The following FAM89A variants were observed in gnomAD, a reference collection of about 807,000 sequenced individuals.
FAM89A encodes family with sequence similarity 89 member A.
In FAM89A, 10 loss-of-function variants were observed where a neutral mutation model predicts 7.1. That is an observed-to-expected ratio of 1.40 (90% CI 0.86 to 2.38). FAM89A has a LOEUF of 2.38. Among genes scored for constraint, FAM89A ranks in the 30% most tolerant of loss-of-function variants. The pLI is 0.00. For synonymous variants in FAM89A, 157 were observed against 129.3 expected (o/e 1.21, Z -1.45); for missense variants, 276 against 262.8 (o/e 1.05, Z -0.35).
chr1:231,021,717 T>C, intron 1 of FAM89A: 2 of 1,596,050 alleles, frequency 1.3e-6, no homozygotes, highest in African/African-American at 1.3e-5. Context: ...GCAGAACCCA[T>C]AGAACTCGTG....
intron 1 of FAM89A, among the ~76,000 whole-genome samples, chr1:231,034,011 T>C (rs1002655011): frequency 5.9e-5 from 9 of 152,206 alleles, no homozygotes; most frequent in African/African-American, 1.9e-4. Context: ...GGGATGGGGA[T>C]GGGACAAGTA....
chr1:231,022,179 T>C, intron 1 of FAM89A: 1 of 1,025,504 alleles, frequency 9.8e-7, no homozygotes, highest in Non-Finnish European at 1.6e-6. Flanking sequence ...TCCATTCATA[T>C]ATGAAGTATT....
intron 1 of FAM89A, among the ~76,000 whole-genome samples, chr1:231,027,612 G>A (rs529127956): frequency 3.3e-5 from 5 of 152,246 alleles, no homozygotes; most frequent in South Asian, 2.1e-4. Context: ...TTCCTAGCCC[G>A]GGCCCCTCTT....
intron 1 of FAM89A, among the ~76,000 whole-genome samples, chr1:231,039,332 C>A (rs1680214022): frequency 6.6e-6 from 1 of 152,226 alleles, no homozygotes; most frequent in African/African-American, 2.4e-5. Context: ...GGCTGAGGGA[C>A]CCGGCCGCCT....
intron 1 of FAM89A, among the ~76,000 whole-genome samples, chr1:231,034,771 TCAAA>T (rs1680132481): frequency 2.3e-5 from 2 of 87,898 alleles, no homozygotes; most frequent in Admixed American, 1.2e-4. Flanking sequence ...AAACTCTGTC[TCAAA>T]AAAAAAAAAA....
intron 1 of FAM89A, chr1:231,022,177 T>C (rs1044223585): frequency 4.9e-6 from 5 of 1,026,066 alleles, no homozygotes; most frequent in African/African-American, 3.1e-5. Flanking sequence ...ACTCCATTCA[T>C]ATATGAAGTA....
intron 1 of FAM89A, chr1:231,022,161 A>C (rs1572353434): frequency 1.8e-6 from 2 of 1,096,746 alleles, no homozygotes; most frequent in Non-Finnish European, 2.8e-6. Context: ...AACCACAAAC[A>C]GTACCACTCC....
At chr1:231,034,157 C>T (rs550345327) in intron 1 of FAM89A, among the ~76,000 whole-genome samples, 1 of 152,248 alleles carries the variant, frequency 6.6e-6, no homozygotes, top group South Asian at 2.1e-4. Context: ...GAATTCACAG[C>T]AACTAGGTAT....
rs1411740140 is a variant in FAM89A, at chr1:231,039,921, C to T, written c.291G>A (p.Met97Ile). 4.5e-6 allele frequency: 6 copies of T among 1,329,058 alleles called. No individual in the cohort carries two copies. The highest frequency in any genetic ancestry group is 5.7e-6 in the Non-Finnish European group (6 of 1,045,694). The allele number at this position is 1,329,058 out of a possible 1,614,324, so 82.3% of individuals were successfully genotyped here. A position where few individuals can be genotyped will look rare whatever the true frequency, so the allele number is the denominator to read the frequency against. ...DAALALLRKEMVGLRQLDMSL... is the reference protein window; with the variant it reads ...DAALALLRKEIVGLRQLDMSL... ...CCCCAGCTCGCGGAGCCCCACTCAC[C>T]ATCTCTTTGCGGAGCAGCGCCAGAG... Residue 97 changes from methionine to isoleucine, a missense_variant and splice_region_variant, in exon 1 of 2, where the codon ATG becomes ATA. Transcript: ENST00000366654.
chr1:231,029,950 G>A (rs1048872569), intron 1 of FAM89A, among the ~76,000 whole-genome samples: 1 of 152,222 alleles, frequency 6.6e-6, no homozygotes, highest in Non-Finnish European at 1.5e-5. Flanking sequence ...AAGATATGTT[G>A]ACTGAAGGAT....
At chr1:231,026,228 C>A (rs564594559) in intron 1 of FAM89A, among the ~76,000 whole-genome samples, 4 of 152,148 alleles carry the variant, frequency 2.6e-5, no homozygotes, top group Non-Finnish European at 4.4e-5. Context: ...GTGTTCCTCC[C>A]GCTCCTCTCC....
chr1:231,022,607 C>T (rs1330090624), intron 1 of FAM89A, among the ~76,000 whole-genome samples: 2 of 152,150 alleles, frequency 1.3e-5, no homozygotes, highest in Admixed American at 6.5e-5. Flanking sequence ...TCACCCAGCT[C>T]GAGGATCCCA....
At chr1:231,022,077 A>G (rs1413634025) in intron 1 of FAM89A, 8 of 1,408,478 alleles carry the variant, frequency 5.7e-6, no homozygotes, top group Non-Finnish European at 7.1e-6. Flanking sequence ...GAATGTGGCC[A>G]TGTCTTCTGT....
At chr1:231,027,996 T>G (rs1354612691) in intron 1 of FAM89A, among the ~76,000 whole-genome samples, 2 of 152,178 alleles carry the variant, frequency 1.3e-5, no homozygotes, top group Non-Finnish European at 2.9e-5. Flanking sequence ...CATTTCCCTT[T>G]TGGATCTCTC....
rs1218106860 is a variant in FAM89A, at chr1:231,019,999, C to A, written c.419G>T (p.Gly140Val). 2 of 1,614,084 alleles carry A rather than the reference C, an allele frequency of 1.2e-6. No homozygotes were observed. Among genetic ancestry groups the A allele is most frequent in the Admixed American group, 3.3e-5 (2 of 60,020 alleles). Residue 140 changes from glycine (G) to valine (V), a missense_variant, in exon 2 of 2, where the codon GGC (glycine) becomes GTC (valine). By Grantham distance (109) the Gly-to-Val change is moderately radical. Coordinates refer to ENST00000366654, the MANE Select transcript of FAM89A (RefSeq NM_198552.3). ...ATATTCCTCCTCTTCATCGAAGAAG[C>A]CGTTCTCCAGAGCGTAAGTGCAGTC... is the stretch of plus-strand genomic sequence containing the variant. ...SPDCTYALEN[G>V]FFDEEEEYFQ...
chr1:231,040,140 C>A lies in FAM89A; in HGVS notation c.72G>T (p.Leu24=), dbSNP rs775088122. The A allele has an allele frequency of 1.5e-6, 2 of 1,338,528 alleles. No homozygotes were observed. Among genetic ancestry groups the A allele is most frequent in the South Asian group, 3.7e-5 (2 of 54,782 alleles). 82.9% of individuals were successfully genotyped at this position (1,338,528 alleles called of 1,614,324 possible). A position where few individuals can be genotyped will look rare whatever the true frequency, so the allele number is the denominator to read the frequency against. ...CGCTCAAGCTCTTTGGCAGCGGGGGCAGCCCGTCCACCCGCAGCCCCCGGA... is the reference window on the plus strand; with the variant it reads ...CGCTCAAGCTCTTTGGCAGCGGGGGAAGCCCGTCCACCCGCAGCCCCCGGA... ...GAVRGLRVDG[L]PPLPKSLSGL... The change falls in exon 1 of 2, where the codon CTG becomes CTT. Residue 24 remains leucine (L), a synonymous_variant. Transcript: ENST00000366654.
intron 1 of FAM89A, among the ~76,000 whole-genome samples, chr1:231,030,557 A>G (rs1680049707): frequency 6.6e-6 from 1 of 152,112 alleles, no homozygotes; most frequent in Non-Finnish European, 1.5e-5. Flanking sequence ...GCAATTGACC[A>G]TTTTCTTTAA....
At chr1:231,024,724 T>C (rs1462702083) in intron 1 of FAM89A, among the ~76,000 whole-genome samples, 6 of 151,762 alleles carry the variant, frequency 4.0e-5, no homozygotes, top group African/African-American at 1.5e-4. Flanking sequence ...AAATTCTTTG[T>C]AGAGATGGGG....
At chr1:231,028,254 G>A (rs1243652239) in intron 1 of FAM89A, among the ~76,000 whole-genome samples, 1 of 152,168 alleles carries the variant, frequency 6.6e-6, no homozygotes, top group Non-Finnish European at 1.5e-5. Flanking sequence ...AGACCACTGA[G>A]TCCCCGCGTG....
Sources: gnomAD v4.1 joint callset for allele counts (sites outside exome capture counted in the v4.1 genomes callset) on GRCh38, gnomAD v4.1.1 for gene constraint, MANE v1.5 for transcripts, NCBI Gene and HGNC (gene_info 2026-07-23, HGNC 2026-07-21) for gene names.